Variants in SRRM1 observed in about 807,000 individuals in gnomAD.
SRRM1 encodes serine and arginine repetitive matrix 1.
Under a neutral mutation model 110.2 loss-of-function variants are expected in SRRM1, and 19 were observed. The ratio of observed to expected loss-of-function variants is 0.17; its 90% CI spans 0.12 to 0.25. SRRM1 has a LOEUF of 0.25. SRRM1 is among the 10% of genes least tolerant of loss of function. The pLI is 1.00. For missense variants in SRRM1, 918 were observed against 1,145.8 expected (o/e 0.80, Z 2.87); for synonymous variants, 443 against 414.9 (o/e 1.07, Z -0.82).
chr1:24,652,084 T>C (rs1273602596), intron 6 of SRRM1, among the ~76,000 whole-genome samples: 2 of 110,172 alleles, frequency 1.8e-5, no homozygotes, highest in Non-Finnish European at 3.9e-5. Context: ...ACACACAAAT[T>C]AGCCGGGCAT....
In SRRM1 at chr1:24,652,572, G is replaced by A. The variant is rs374957790; in HGVS notation, c.864G>A (p.Thr288=). Residue 288 remains threonine, a synonymous_variant, in exon 7 of 17, where the codon ACG becomes ACA. Transcript: ENST00000323848. Reference sequence around the variant, plus strand: ...CACGCTCCAAATCAAGATCCCGGACGCGGTCCCGCTCTCCTTCTCACACTC... The same window carrying A: ...CACGCTCCAAATCAAGATCCCGGACACGGTCCCGCTCTCCTTCTCACACTC... The part of the protein sequence containing the change: ...SRSRSKSRSR[T]RSRSPSHTRP... 1.1e-5 allele frequency: 18 copies of A among 1,613,598 alleles called. No individual in the cohort carries two copies. The highest frequency in any genetic ancestry group is 1.6e-4 in the Middle Eastern group (1 of 6,072).
chr1:24,662,800 C>G lies in SRRM1; in HGVS notation c.1624C>G (p.Pro542Ala). The change falls in exon 12 of 17, where the codon CCT (proline) becomes GCT (alanine). Residue 542 changes from proline to alanine, a missense_variant. Physicochemically the swap from Pro to Ala is conservative, Grantham distance 27. Around this residue, in one of 5 missense-constraint regions of SRRM1, gnomAD observed 357 missense variants for 402.9 expected, o/e 0.89. Coordinates refer to ENST00000323848, the MANE Select transcript of SRRM1 (RefSeq NM_005839.4). ...SPRKRQKETSPRGRRRRSPSP... is the reference protein window; with the variant it reads ...SPRKRQKETSARGRRRRSPSP... ...ACGAAAGCGCCAAAAAGAGACTTCC[C>G]CTCGGTAACATCTTTGCTTCAGTGA... The G allele has an allele frequency of 6.2e-7, 1 of 1,614,112 alleles. No homozygotes were observed. Among genetic ancestry groups the G allele is most frequent in the Non-Finnish European group, 8.5e-7 (1 of 1,179,994 alleles).
At chr1:24,648,215 C>G (rs1056467801) in intron 3 of SRRM1, 1 of 152,216 alleles carries the variant, frequency 6.6e-6, no homozygotes, top group Non-Finnish European at 1.5e-5. Flanking sequence ...GACCTTGTTG[C>G]TTGACCAACG....
At chr1:24,646,941 C>A in intron 3 of SRRM1, 152 bp downstream of exon 3, 1 of 592,066 alleles carries the variant, frequency 1.7e-6, no homozygotes, top group Non-Finnish European at 2.7e-6. Context: ...ACTATTAAGG[C>A]TGGAAGTTTA....
At chr1:24,650,389 A>C (rs1046363640) in intron 5 of SRRM1, among the ~76,000 whole-genome samples, 36 of 152,232 alleles carry the variant, frequency 2.4e-4, no homozygotes, top group African/African-American at 7.2e-4. Context: ...GGGTTTTTAA[A>C]AATGTACTCT....
intron 6 of SRRM1, among the ~76,000 whole-genome samples, chr1:24,651,895 T>C (rs1157388535): frequency 6.6e-6 from 1 of 151,030 alleles, no homozygotes; most frequent in Admixed American, 6.6e-5. Context: ...TTTTAAGAAA[T>C]GTATGTGGTT....
chr1:24,652,401 C>CAAA (rs60568839), intron 6 of SRRM1, 33 bp from the exon 7 acceptor site: 23 of 1,085,250 alleles, frequency 2.1e-5, no homozygotes, highest in Middle Eastern at 3.3e-4. Context: ...TACAAGAAGG[C>CAAA]AAAAAAAAAA....
At chr1:24,663,114 C>T (rs1668096683) in intron 12 of SRRM1, 2 of 1,370,764 alleles carry the variant, frequency 1.5e-6, no homozygotes, top group Admixed American at 2.4e-5. Flanking sequence ...ATTAATGGTA[C>T]TTAATCCACC....
At chr1:24,660,325 A>AAGATTT (rs1666502522) in intron 9 of SRRM1, among the ~76,000 whole-genome samples, 1 of 152,238 alleles carries the variant, frequency 6.6e-6, no homozygotes, top group African/African-American at 2.4e-5. Flanking sequence ...GGAGAATCTC[A>AAGATTT]AGATTTGAAA....
rs1285541392 is a variant in SRRM1, at chr1:24,673,069, A to G, written c.*783A>G. ...TTAATGAAATGTCATGGCTCTGTTCATATTTTTGTCTTGTTCTTCCAATTG... is the reference window on the plus strand; with the variant it reads ...TTAATGAAATGTCATGGCTCTGTTCGTATTTTTGTCTTGTTCTTCCAATTG... On this transcript the variant is annotated 3_prime_UTR_variant, in exon 17 of 17. Transcript: ENST00000323848. The G allele has an allele frequency of 6.6e-6, 1 of 151,946 alleles. No individual in the cohort carries two copies. The highest frequency in any genetic ancestry group is 2.4e-5 in the African/African-American group (1 of 41,330). 9.4% of individuals were successfully genotyped at this position (151,946 alleles called of 1,614,324 possible).
At position 24,666,662 on chromosome 1, in the gene SRRM1, G is replaced by C. The variant is rs1670132071; in HGVS notation, c.1629-153G>C. On this transcript the variant is annotated intron_variant, in intron 12 of 16. Transcript: ENST00000323848. ...TGCCTGTAATCCCAACTACTCAGGA[G>C]GCTGAGGGGGGAGAATTGCTTGAAC... is the stretch of plus-strand genomic sequence containing the variant. The C allele has an allele frequency of 1.0e-5, 6 of 581,458 alleles. No individual in the cohort carries two copies. In the East Asian group the frequency reaches 2.0e-4, roughly 19 times the overall value. The allele number at this position is 581,458 out of a possible 1,614,324, so 36.0% of individuals were successfully genotyped here.
chr1:24,671,288 T>C, intron 15 of SRRM1, 98 bp from the exon 16 acceptor site: 1 of 1,262,310 alleles, frequency 7.9e-7, no homozygotes, highest in Non-Finnish European at 1.1e-6. Context: ...AATCTTGAGA[T>C]TTGTCCATTG....
intron 1 of SRRM1, 109 bp from the exon 2 acceptor site, chr1:24,645,875 T>C (rs961681518): frequency 2.7e-6 from 2 of 750,628 alleles, no homozygotes; most frequent in African/African-American, 3.5e-5. Flanking sequence ...AAAACTAGTT[T>C]GGTATTGTGT....
At position 24,672,171 on chromosome 1, in the gene SRRM1, G is replaced by GA; in HGVS notation, c.2611-11_2611-10insA. ...CTCAAGACTTAACCGTGTAAATTCT[G>GA]TTTTTTTTAGGAGACTGAAAGTGAA... On this transcript the variant is annotated splice_polypyrimidine_tract_variant and intron_variant, in intron 16 of 16. Coordinates refer to ENST00000323848, the MANE Select transcript of SRRM1 (RefSeq NM_005839.4). 6.3e-7 allele frequency: 1 copy of GA among 1,594,430 alleles called. No individual in the cohort carries two copies. Among genetic ancestry groups the GA allele is most frequent in the Non-Finnish European group, 8.6e-7 (1 of 1,166,892 alleles).
intron 13 of SRRM1, among the ~76,000 whole-genome samples, chr1:24,668,469 T>A (rs183947871): frequency 6.6e-6 from 1 of 152,356 alleles, no homozygotes; most frequent in East Asian, 1.9e-4. Context: ...CCAAAATATA[T>A]GGCCTATTGT....
At chr1:24,652,029 A>AATATATATATATATATGTAT (rs1661035988) in intron 6 of SRRM1, among the ~76,000 whole-genome samples, 1 of 79,846 alleles carries the variant, frequency 1.3e-5, no homozygotes, top group Non-Finnish European at 2.6e-5. Context: ...CTGTACTAAA[A>AATATATATATATATATGTAT]ATATATATAT....
At position 24,671,615 on chromosome 1, in the gene SRRM1, A is replaced by G. The variant is rs1260116437; in HGVS notation, c.2610+20A>G. On this transcript the variant is annotated intron_variant, in intron 16 of 16. Transcript: ENST00000323848. ...AAGAAGGTATTTATGAACTCTGTAT[A>G]TGGCTGTCTTGCAGTTTACGTACAG... is the stretch of plus-strand genomic sequence containing the variant. 9 of 1,556,842 alleles carry G rather than the reference A, an allele frequency of 5.8e-6. No individual in the cohort carries two copies. The East Asian group carries it at 1.4e-4, about 23-fold the overall frequency.
At chr1:24,663,117 A>G in intron 12 of SRRM1, 1 of 1,383,976 alleles carries the variant, frequency 7.2e-7, no homozygotes, top group South Asian at 1.4e-5. Flanking sequence ...AATGGTACTT[A>G]ATCCACCCAA....
chr1:24,654,174 C>G (rs983855101), intron 8 of SRRM1: 1 of 544,054 alleles, frequency 1.8e-6, no homozygotes, highest in Admixed American at 2.9e-5. Context: ...ATTTCTTATA[C>G]TGGAGTTTTG....
Sources: allele counts gnomAD v4.1 joint callset (sites outside exome capture counted in the v4.1 genomes callset), GRCh38; gene constraint gnomAD v4.1.1; regional missense constraint gnomAD v4.1.1; transcripts MANE v1.5; gene names NCBI Gene and HGNC (gene_info 2026-07-23, HGNC 2026-07-21).